HDAC9: variants seen among roughly 807,000 people sequenced by gnomAD.
The protein encoded by HDAC9 is MEF-2 interacting transcription repressor (MITR) protein.
In HDAC9, 41 loss-of-function variants were observed where a neutral mutation model predicts 139.4. That is an observed-to-expected ratio of 0.29 (90% CI 0.23 to 0.38). The LOEUF (loss-of-function observed/expected upper bound fraction) is 0.38, where lower values mean the gene tolerates loss of function less well. Among genes scored for constraint, HDAC9 ranks in the 10% least tolerant of loss-of-function variants. The pLI, the probability that HDAC9 is intolerant of heterozygous loss-of-function variation, is 1.00. For synonymous variants in HDAC9, 517 were observed against 476.2 expected (o/e 1.09, Z -1.12); for missense variants, 1,147 against 1,297.0 (o/e 0.88, Z 1.78).
At chr7:18,447,058 A>T (rs1283010163) in intron 1 of HDAC9, among the ~76,000 whole-genome samples, 1 of 152,180 alleles carries the variant, frequency 6.6e-6, no homozygotes, top group Non-Finnish European at 1.5e-5. Flanking sequence ...ATCTTGATAG[A>T]TTCTTTCAAC....
chr7:18,970,382 A>AT (rs1211897105), intron 24 of HDAC9, among the ~76,000 whole-genome samples: 5 of 152,198 alleles, frequency 3.3e-5, no homozygotes, highest in Admixed American at 6.5e-5. Flanking sequence ...TTTGAAATGA[A>AT]TTTTAGTTGT....
intron 25 of HDAC9, among the ~76,000 whole-genome samples, chr7:18,979,178 G>GT (rs766043168): frequency 2.0e-5 from 3 of 152,002 alleles, no homozygotes; most frequent in Admixed American, 1.3e-4. Context: ...TGACCACTTT[G>GT]TTTTTTGGGT....
At chr7:18,131,789 G>A (rs10224566) in intron 1 of HDAC9, among the ~76,000 whole-genome samples, 14,944 of 152,168 alleles carry the variant, frequency 0.098, 1,262 homozygotes, top group African/African-American at 0.23. Flanking sequence ...CTCATGGAGA[G>A]CAGATCTAGT....
At chr7:18,643,668 C>G (rs1344772443) in intron 8 of HDAC9, among the ~76,000 whole-genome samples, 2 of 152,076 alleles carry the variant, frequency 1.3e-5, no homozygotes, top group African/African-American at 2.4e-5. Context: ...ACAGCTCCCC[C>G]AAACATGCTT....
chr7:18,380,300 A>C (rs77103483), intron 1 of HDAC9, among the ~76,000 whole-genome samples: 1 of 152,224 alleles, frequency 6.6e-6, no homozygotes, highest in Non-Finnish European at 1.5e-5. Flanking sequence ...ATTACATGAG[A>C]AAAAAGGACT....
chr7:18,568,462 C>T (rs564118785), intron 2 of HDAC9, among the ~76,000 whole-genome samples: 3 of 152,190 alleles, frequency 2.0e-5, no homozygotes, highest in African/African-American at 7.2e-5. Flanking sequence ...TCATAGCTAG[C>T]GCTCAGCATA....
At position 18,869,144 on chromosome 7, in the gene HDAC9, TGG is replaced by T. The variant is rs1034118699; in HGVS notation, c.2685-5331_2685-5330del. On this transcript the variant is annotated intron_variant, in intron 21 of 25. Coordinates refer to ENST00000686413, the MANE Select transcript of HDAC9 (RefSeq NM_178425.4). Reference sequence around the variant, plus strand: ...GAAGGGAAATTCCTGGACTCACAATTGGGGTGTGTGTGTGTGTGTGTGTGTGT... The same window carrying T: ...GAAGGGAAATTCCTGGACTCACAATTGGTGTGTGTGTGTGTGTGTGTGTGT... Among the ~76,000 whole-genome samples, 378 of 125,576 alleles carry T rather than the reference TGG, an allele frequency of 3.0e-3. 6 individuals carry two copies. Among genetic ancestry groups the T allele is most frequent in the Admixed American group, 0.028 (356 of 12,822 alleles). The allele number at this position is 125,576 out of a possible 152,430, so 82.4% of individuals were successfully genotyped here.
intron 1 of HDAC9, among the ~76,000 whole-genome samples, chr7:18,477,403 G>A (rs904779660): frequency 6.6e-6 from 1 of 151,656 alleles, no homozygotes; most frequent in Non-Finnish European, 1.5e-5. Flanking sequence ...GCGTGCGTGC[G>A]TGCATGCGTG....
upstream of HDAC9, among the ~76,000 whole-genome samples, chr7:18,287,656 C>T (rs925958321): frequency 2.6e-5 from 4 of 152,234 alleles, no homozygotes; most frequent in Non-Finnish European, 5.9e-5. Context: ...AGAGCATGCA[C>T]TCTGCATTCA....
chr7:18,358,785 G>A (rs1449925077), intron 1 of HDAC9, among the ~76,000 whole-genome samples: 1 of 152,118 alleles, frequency 6.6e-6, no homozygotes, highest in Admixed American at 6.5e-5. Flanking sequence ...ACTTACTCTA[G>A]CTATAACTTT....
chr7:18,331,499 C>G (rs528295455), intron 1 of HDAC9, among the ~76,000 whole-genome samples: 419 of 151,678 alleles, frequency 2.8e-3, no homozygotes, highest in Non-Finnish European at 4.8e-3. Context: ...TAAAATGTAA[C>G]TTTTTGACCC....
chr7:18,886,256 A>G (rs1585224833), intron 22 of HDAC9, among the ~76,000 whole-genome samples: 1 of 152,224 alleles, frequency 6.6e-6, no homozygotes, highest in East Asian at 1.9e-4. Context: ...TTCCACCTGC[A>G]CTGTTTAGTT....
chr7:18,856,591 C>A (rs1562993887), intron 21 of HDAC9, among the ~76,000 whole-genome samples: 1 of 152,076 alleles, frequency 6.6e-6, no homozygotes, highest in Non-Finnish European at 1.5e-5. Flanking sequence ...TGCAAATGTA[C>A]ATTATGAATG....
chr7:18,857,199 T>C (rs35048169), intron 21 of HDAC9, among the ~76,000 whole-genome samples: 1,692 of 152,048 alleles, frequency 0.011, 11 homozygotes, highest in Middle Eastern at 0.017. Context: ...TGCTTCTCTT[T>C]TTTTATTTTT....
chr7:18,278,435 A>C (rs1228904751), intron 2 of HDAC9, among the ~76,000 whole-genome samples: 1 of 152,206 alleles, frequency 6.6e-6, no homozygotes, highest in Non-Finnish European at 1.5e-5. Flanking sequence ...AAATAGTATA[A>C]ATAGCTTTGC....
At chr7:18,940,779 G>T (rs1001742853) in intron 23 of HDAC9, among the ~76,000 whole-genome samples, 1 of 152,064 alleles carries the variant, frequency 6.6e-6, no homozygotes, top group Admixed American at 6.6e-5. Context: ...GTGGCACCCC[G>T]GGTTACTTCC....
At chr7:18,293,989 A>G (rs1481581978) in intron 1 of HDAC9, among the ~76,000 whole-genome samples, 2 of 152,130 alleles carry the variant, frequency 1.3e-5, no homozygotes, top group Non-Finnish European at 2.9e-5. Context: ...AAATGTATTA[A>G]AAGTCTTGAA....
At chr7:18,452,738 G>GTTCCC (rs1224513356) in intron 1 of HDAC9, among the ~76,000 whole-genome samples, 3 of 152,120 alleles carry the variant, frequency 2.0e-5, no homozygotes, top group African/African-American at 7.2e-5. Context: ...ATACAGGGCA[G>GTTCCC]TTCCCCTGCA....
At position 18,509,631 on chromosome 7, in the gene HDAC9, T is replaced by C. The variant is rs114300525; in HGVS notation, c.22+13307T>C. The stretch of plus-strand genomic sequence containing the variant: ...AGATACCTTAATGCTCTATTCCAAC[T>C]GGTCATCACTGGGGAAAATTCTCTT... On this transcript the variant is annotated intron_variant, in intron 2 of 25. Transcript: ENST00000686413. Among the ~76,000 whole-genome samples, 962 of 152,320 alleles carry C rather than the reference T, an allele frequency of 6.3e-3. 10 individuals carry two copies. The highest frequency in any genetic ancestry group is 0.022 in the African/African-American group (932 of 41,556).
Sources: allele counts gnomAD v4.1 joint callset (sites outside exome capture counted in the v4.1 genomes callset), GRCh38; gene constraint gnomAD v4.1.1; transcripts MANE v1.5; gene names NCBI Gene and HGNC (gene_info 2026-07-23, HGNC 2026-07-21).